QSOX1: variants seen among roughly 807,000 people sequenced by gnomAD.
The protein encoded by QSOX1 is quiescin sulfhydryl oxidase 1.
QSOX1 carries 40 observed loss-of-function variants against 76.1 expected under a neutral mutation model. The observed-to-expected ratio is 0.53, with a 90% confidence interval of 0.41 to 0.68. QSOX1 has a LOEUF of 0.68. Among genes scored for constraint, QSOX1 ranks in the 30% least tolerant of loss-of-function variants. QSOX1 has a pLI of 0.00. For synonymous variants in QSOX1, 392 were observed against 413.1 expected (o/e 0.95, Z 0.62); for missense variants, 931 against 974.3 (o/e 0.96, Z 0.59).
In QSOX1 at chr1:180,198,541, G is replaced by C. The variant is rs1572058770; in HGVS notation, c.*1504G>C. 2.6e-6 allele frequency: 1 copy of C among 388,634 alleles called. No homozygotes were observed. The highest frequency in any genetic ancestry group is 7.4e-5 in the East Asian group (1 of 13,576). 24.1% of individuals were successfully genotyped at this position (388,634 alleles called of 1,614,324 possible). A position where few individuals can be genotyped will look rare whatever the true frequency, so the allele number is the denominator to read the frequency against. Reference sequence around the variant, plus strand: ...TTGACATCTTCACTCTGCTCAGATGGCCTGGGTGCTATGTGGAGCAGGTGG... The same window carrying C: ...TTGACATCTTCACTCTGCTCAGATGCCCTGGGTGCTATGTGGAGCAGGTGG... On this transcript the variant is annotated 3_prime_UTR_variant, in exon 12 of 12. Transcript: ENST00000367602.
intron 1 of QSOX1, among the ~76,000 whole-genome samples, chr1:180,165,975 C>G (rs1053288828): frequency 6.6e-6 from 1 of 152,150 alleles, no homozygotes; most frequent in Admixed American, 6.5e-5. Flanking sequence ...TTCCTGATAC[C>G]CTTTACCCCA....
Position 180,154,956 on chromosome 1 carries a change from CT to C in QSOX1, c.50del (p.Leu17ArgfsTer26). The C allele has an allele frequency of 6.7e-7, 1 of 1,499,846 alleles. No individual in the cohort carries two copies. The highest frequency in any genetic ancestry group is 8.8e-7 in the Non-Finnish European group (1 of 1,132,384). 92.9% of individuals were successfully genotyped at this position (1,499,846 alleles called of 1,614,324 possible). On this transcript the variant is annotated frameshift_variant, in exon 1 of 12. Transcript: ENST00000367602. LOFTEE classifies it high-confidence loss of function. Reference protein sequence around the residue: ...GSGPPPSLLLLLLWLLAVPGA... With the variant: ...GSGPPPSLLLXLLWLLAVPGA... ...CGGGCCGCCGCCGTCGCTGCTGCTG[CT>C]GCTGCTGTGGCTGCTCGCGGTTCCC...
intron 10 of QSOX1, among the ~76,000 whole-genome samples, chr1:180,191,755 AGAG>A (rs1211527620): frequency 6.6e-6 from 1 of 152,142 alleles, no homozygotes; most frequent in Non-Finnish European, 1.5e-5. Context: ...ACCCATGTGG[AGAG>A]GAGAAGGCAG....
chr1:180,179,083 T>A (rs1662967915), intron 5 of QSOX1, among the ~76,000 whole-genome samples, 199 bp downstream of exon 5: 1 of 152,254 alleles, frequency 6.6e-6, no homozygotes, highest in Non-Finnish European at 1.5e-5. Context: ...TGTTTATTCT[T>A]ATCTCCTTCA....
chr1:180,194,116 ACGGCAGGATGGGGGG>A, intron 10 of QSOX1, 82 bp from the exon 11 acceptor site: 4 of 1,229,362 alleles, frequency 3.3e-6, no homozygotes, highest in Non-Finnish European at 3.4e-6. Flanking sequence ...AGGGGTGGCC[ACGGCAGGATGGGGGG>A]CGGCAGGGTG....
At position 180,197,285 on chromosome 1, in the gene QSOX1, A is replaced by G. The variant is rs1558195340; in HGVS notation, c.*248A>G. The G allele has an allele frequency of 5.0e-6, 8 of 1,613,482 alleles. No homozygotes were observed. The South Asian group carries it at 7.7e-5, about 15-fold the overall frequency. On this transcript the variant is annotated 3_prime_UTR_variant, in exon 12 of 12. Transcript: ENST00000367602. ...GAGGGCAGCCCCGGGCAGTGGGCATAGGGCAGCTCAGTCCCTGGCCTCTTA... is the reference window on the plus strand; with the variant it reads ...GAGGGCAGCCCCGGGCAGTGGGCATGGGGCAGCTCAGTCCCTGGCCTCTTA...
intron 1 of QSOX1, among the ~76,000 whole-genome samples, chr1:180,162,305 A>C (rs986302414): frequency 2.6e-5 from 4 of 152,240 alleles, no homozygotes; most frequent in African/African-American, 4.8e-5. Flanking sequence ...TAACTAGTTT[A>C]GTATCTCCCC....
chr1:180,193,158 G>C (rs10798739), intron 10 of QSOX1, among the ~76,000 whole-genome samples: 90,264 of 151,802 alleles, frequency 0.59, 29,018 homozygotes, highest in East Asian at 0.77. Flanking sequence ...ACTTCTTTAT[G>C]ATCATCCTTT....
Position 180,197,703 on chromosome 1 carries a change from G to C in QSOX1, c.*666G>C. 1 of 328,914 alleles carries C rather than the reference G, an allele frequency of 3.0e-6. No homozygotes were observed. Among genetic ancestry groups the C allele is most frequent in the South Asian group, 3.9e-5 (1 of 25,970 alleles). 20.4% of individuals were successfully genotyped at this position (328,914 alleles called of 1,614,324 possible). A position where few individuals can be genotyped will look rare whatever the true frequency, so the allele number is the denominator to read the frequency against. Reference sequence around the variant, plus strand: ...AGTGGCTTGCTTGGTGGGACCTGACGAGTTGGTGGCATGGGAAGGATGTGG... The same window carrying C: ...AGTGGCTTGCTTGGTGGGACCTGACCAGTTGGTGGCATGGGAAGGATGTGG... On this transcript the variant is annotated 3_prime_UTR_variant, in exon 12 of 12. Transcript: ENST00000367602.
intron 6 of QSOX1, 121 bp from the exon 7 acceptor site, chr1:180,183,795 T>G: frequency 8.6e-7 from 1 of 1,158,138 alleles, no homozygotes; most frequent in Non-Finnish European, 1.2e-6. Flanking sequence ...GGAATCTCGT[T>G]CACATATTTA....
At chr1:180,161,320 G>A (rs1050420257) in intron 1 of QSOX1, among the ~76,000 whole-genome samples, 36 of 152,138 alleles carry the variant, frequency 2.4e-4, no homozygotes, top group African/African-American at 4.1e-4. Flanking sequence ...AGAACTTATC[G>A]ATAAGGAATC....
At chr1:180,172,289 G>GTCCC (rs1212080814) in intron 2 of QSOX1, among the ~76,000 whole-genome samples, 1 of 152,172 alleles carries the variant, frequency 6.6e-6, no homozygotes, top group Non-Finnish European at 1.5e-5. Context: ...CCTGAAGAGC[G>GTCCC]TGAGGCGTGG....
At chr1:180,187,437 C>T (rs1052201255) in intron 8 of QSOX1, among the ~76,000 whole-genome samples, 10 of 152,168 alleles carry the variant, frequency 6.6e-5, no homozygotes, top group African/African-American at 2.4e-4. Context: ...TCCTCCTGAC[C>T]CATGAGGGAG....
At position 180,200,533 on chromosome 1, in the gene QSOX1, G is replaced by T. The variant is rs943322657; in HGVS notation, c.*3496G>T. On this transcript the variant is annotated 3_prime_UTR_variant, in exon 12 of 12. Transcript: ENST00000367602. ...AGTATGGATTTCCTTCATGAGATGG[G>T]GCTCCTAAAATGCCTGAAATGTGTA... 1 of 152,146 alleles carries T rather than the reference G, an allele frequency of 6.6e-6. No homozygotes were observed. The highest frequency in any genetic ancestry group is 1.5e-5 in the Non-Finnish European group (1 of 68,034). The allele number at this position is 152,146 out of a possible 1,614,324, so 9.4% of individuals were successfully genotyped here.
At chr1:180,158,640 G>A (rs1319133769) in intron 1 of QSOX1, among the ~76,000 whole-genome samples, 2 of 152,150 alleles carry the variant, frequency 1.3e-5, no homozygotes, top group Non-Finnish European at 2.9e-5. Context: ...GCTGGACAGG[G>A]CATAAACTAA....
chr1:180,183,171 G>A (rs937570160), intron 6 of QSOX1, among the ~76,000 whole-genome samples: 5 of 152,118 alleles, frequency 3.3e-5, no homozygotes, highest in Non-Finnish European at 5.9e-5. Context: ...TGCCTCCCGA[G>A]CCATCTGCTC....
Position 180,197,436 on chromosome 1 carries a change from G to A in QSOX1, c.*399G>A. 5 of 1,576,120 alleles carry A rather than the reference G, an allele frequency of 3.2e-6. No homozygotes were observed. The highest frequency in any genetic ancestry group is 3.5e-6 in the Non-Finnish European group (4 of 1,149,570). ...AAGCCAGAGGAGGGTCCCCCAGCTG[G>A]GTGGGCTGGAATGGAACTCCTCACT... On this transcript the variant is annotated 3_prime_UTR_variant, in exon 12 of 12. Transcript: ENST00000367602.
chr1:180,159,418 T>G (rs1161413431), intron 1 of QSOX1, among the ~76,000 whole-genome samples: 1 of 152,224 alleles, frequency 6.6e-6, no homozygotes, highest in African/African-American at 2.4e-5. Context: ...AAGGACCTTC[T>G]CTATTCCATC....
chr1:180,185,955 G>A (rs1285138271), intron 7 of QSOX1, 98 bp from the exon 8 acceptor site: 6 of 1,410,930 alleles, frequency 4.3e-6, no homozygotes, highest in Non-Finnish European at 6.0e-6. Flanking sequence ...CATCAGCAGT[G>A]CCCCTTCTCT....
Sources: gnomAD v4.1 joint callset for allele counts (sites outside exome capture counted in the v4.1 genomes callset) on GRCh38, gnomAD v4.1.1 for gene constraint, MANE v1.5 for transcripts, NCBI Gene and HGNC (gene_info 2026-07-23, HGNC 2026-07-21) for gene names.